Variants in HAS3 observed in about 807,000 individuals in gnomAD.
HAS3 encodes HA synthase 3.
A neutral mutation model predicts 50.3 loss-of-function variants in HAS3; 27 were observed. That is an observed-to-expected ratio of 0.54 (90% CI 0.40 to 0.74). The LOEUF (loss-of-function observed/expected upper bound fraction) is 0.74. Ranked by LOEUF, HAS3 falls within the 30% of genes least tolerant of loss-of-function variation. The pLI is 0.00. For synonymous variants in HAS3, 339 were observed against 310.9 expected, an observed-to-expected ratio of 1.09 and a Z score of -0.95; for missense variants, 517 against 742.8, an observed-to-expected ratio of 0.70 and a Z score of 3.53.
Position 69,107,656 on chromosome 16 carries a change from C to G in HAS3, c.1-1740C>G, listed in dbSNP as rs1477042051. The G allele has an allele frequency of 4.1e-6, 4 of 985,420 alleles. No homozygotes were observed. The highest frequency in any genetic ancestry group is 1.1e-4 in the East Asian group (1 of 8,820). The allele number at this position is 985,420 out of a possible 1,614,324, so 61.0% of individuals were successfully genotyped here. ...TGGCGCCCCCTTCCCCTACCCAGAG[C>G]GCAGGCAGGCAGGGGGGTCCCGCCG... On this transcript the variant is annotated intron_variant, in intron 1 of 3. Transcript: ENST00000569188. This position sits in a 1 kb window ranked among gnomAD's most constrained non-coding sequence, Gnocchi z 5.5.
At chr16:69,095,610 T>G in the HAS3 span, among the ~76,000 whole-genome samples, 1 of 151,748 alleles carries the variant, frequency 6.6e-6, no homozygotes, top group Admixed American at 6.6e-5. Flanking sequence ...TTTTAAAAGC[T>G]CTACAGGTTT....
At chr16:69,090,366 T>G in the HAS3 span, among the ~76,000 whole-genome samples, 1 of 152,216 alleles carries the variant, frequency 6.6e-6, no homozygotes, top group Non-Finnish European at 1.5e-5. Flanking sequence ...ATACGTGATG[T>G]GACTTAGAAC....
the HAS3 span, among the ~76,000 whole-genome samples, chr16:69,098,662 ATTTTTTTTTT>A: frequency 6.9e-3 from 677 of 98,202 alleles, 9 homozygotes; most frequent in African/African-American, 0.024. Flanking sequence ...ATCAAACCTG[ATTTTTTTTTT>A]TTTTTTTTTT....
At chr16:69,085,508 T>TC in the HAS3 span, among the ~76,000 whole-genome samples, 1 of 151,912 alleles carries the variant, frequency 6.6e-6, no homozygotes, top group Non-Finnish European at 1.5e-5. Flanking sequence ...CAAGCAGTCC[T>TC]CCCCCCTCAG....
In HAS3 at chr16:69,116,665, T is replaced by C. The variant is rs1300689514; in HGVS notation, c.*1399T>C. The C allele has an allele frequency of 9.1e-6, 9 of 985,248 alleles. No individual in the cohort carries two copies. The South Asian group carries it at 3.8e-4, about 41-fold the overall frequency. 61.0% of individuals were successfully genotyped at this position (985,248 alleles called of 1,614,324 possible). ...CATCCTAAGGTTCTTGCTTTCTCTC[T>C]CATGCCTCCTGAGGCTGTTTTTGGC... On this transcript the variant is annotated 3_prime_UTR_variant, in exon 4 of 4. Coordinates refer to ENST00000569188, the MANE Select transcript of HAS3 (RefSeq NM_001199280.2).
rs1449500339 is a variant in HAS3 at position 69,115,311 on chromosome 16, G to A, written c.*45G>A. 1.3e-6 allele frequency: 2 copies of A among 1,496,722 alleles called. No individual in the cohort carries two copies. Among genetic ancestry groups the A allele is most frequent in the African/African-American group, 2.8e-5 (2 of 71,464 alleles). 92.7% of individuals were successfully genotyped at this position (1,496,722 alleles called of 1,614,324 possible). A position where few individuals can be genotyped will look rare whatever the true frequency, so the allele number is the denominator to read the frequency against. ...GGGTAAAGTGCAATGGGTAAGGGAG[G>A]GAAGGGGAATGGAAGAGAAAAGACA... On this transcript the variant is annotated 3_prime_UTR_variant, in exon 4 of 4. Transcript: ENST00000569188.
downstream of HAS3, chr16:69,118,308 G>A: frequency 8.5e-7 from 1 of 1,180,566 alleles, no homozygotes; most frequent in Non-Finnish European, 1.3e-6. Flanking sequence ...TGCATTCGGT[G>A]GGTCTTTCTT....
Position 69,115,976 on chromosome 16 carries a change from G to A in HAS3, c.*710G>A, listed in dbSNP as rs776647177. 3.6e-5 allele frequency: 35 copies of A among 985,876 alleles called. No individual in the cohort carries two copies. Among genetic ancestry groups the A allele is most frequent in the Non-Finnish European group, 3.9e-5 (32 of 829,960 alleles). The allele number at this position is 985,876 out of a possible 1,614,324, so 61.1% of individuals were successfully genotyped here. A position where few individuals can be genotyped will look rare whatever the true frequency, so the allele number is the denominator to read the frequency against. On this transcript the variant is annotated 3_prime_UTR_variant, in exon 4 of 4. Coordinates refer to ENST00000569188, the MANE Select transcript of HAS3 (RefSeq NM_001199280.2). ...AAGAGATTGTGGTGGTGCTAAAGGA[G>A]GCCATAAGCTACACAGAGGCCTTGG... is the stretch of plus-strand genomic sequence containing the variant.
At position 69,114,429 on chromosome 16, in the gene HAS3, C is replaced by G. The variant is rs1961111510; in HGVS notation, c.825C>G (p.Ser275=). ...MAFNVERACQ[S]YFGCVQCISG... ...TCAACGTGGAGCGGGCCTGCCAGTC[C>G]TACTTTGGCTGTGTGCAGTGTATTA... The change falls in exon 4 of 4, where the codon TCC becomes TCG. Residue 275 remains serine (S), a synonymous_variant. Coordinates refer to ENST00000569188, the MANE Select transcript of HAS3 (RefSeq NM_001199280.2). This position sits in a 1 kb window ranked among gnomAD's most constrained non-coding sequence, Gnocchi z 6.4. The G allele has an allele frequency of 6.2e-7, 1 of 1,613,416 alleles. No individual in the cohort carries two copies. The highest frequency in any genetic ancestry group is 1.3e-5 in the African/African-American group (1 of 74,920).
At chr16:69,104,832 C>T (rs1023206112), upstream of HAS3, among the ~76,000 whole-genome samples, 2 of 152,062 alleles carry the variant, frequency 1.3e-5, no homozygotes. Flanking sequence ...GTGGCCCAGA[C>T]TGAGCAATGG....
chr16:69,109,729 T>C lies in HAS3; in HGVS notation c.334T>C (p.Ser112Pro). The C allele has an allele frequency of 2.5e-6, 4 of 1,611,216 alleles. No homozygotes were observed. Among genetic ancestry groups the C allele is most frequent in the Non-Finnish European group, 3.4e-6 (4 of 1,179,960 alleles). Residue 112 changes from serine (S) to proline (P), a missense_variant, in exon 2 of 4, where the codon TCC becomes CCC. By Grantham distance (74) the Ser-to-Pro change is moderately conservative (BLOSUM62 -1). Coordinates refer to ENST00000569188, the MANE Select transcript of HAS3 (RefSeq NM_001199280.2). The surrounding 1 kb of genome is among the most constrained non-coding windows in gnomAD (Gnocchi z 5.3). ...RKCLRSAQRI[S>P]FPDLKVVMVV... ...GTGCCTGCGCTCGGCCCAGCGCATC[T>C]CCTTCCCTGACCTCAAGGTGGTCAT...
chr16:69,094,980 CTT>C, the HAS3 span, among the ~76,000 whole-genome samples: 13 of 124,922 alleles, frequency 1.0e-4, no homozygotes, highest in East Asian at 2.2e-4. Context: ...CCATTGTTAA[CTT>C]TTTTTTTTTT....
At chr16:69,108,987 C>T (rs759031721) in intron 1 of HAS3, among the ~76,000 whole-genome samples, 49 of 152,198 alleles carry the variant, frequency 3.2e-4, no homozygotes, top group Non-Finnish European at 2.2e-4. Context: ...AGAGCTGCCT[C>T]AGGCTCACCC....
chr16:69,107,451 C>G lies in HAS3; in HGVS notation c.-1+1664C>G. The G allele has an allele frequency of 1.3e-5, 13 of 985,616 alleles. No individual in the cohort carries two copies. The highest frequency in any genetic ancestry group is 1.4e-5 in the Non-Finnish European group (12 of 830,060). 61.1% of individuals were successfully genotyped at this position (985,616 alleles called of 1,614,324 possible). On this transcript the variant is annotated intron_variant, in intron 1 of 3. Coordinates refer to ENST00000569188, the MANE Select transcript of HAS3 (RefSeq NM_001199280.2). This position sits in a 1 kb window ranked among gnomAD's most constrained non-coding sequence, Gnocchi z 5.5. ...GATCCCTTGGGTTTTCCGTTCCTTC[C>G]CGGTTGGGTCGTGGGAAAGCGGCAC...
In HAS3 at chr16:69,114,235, A is replaced by G; in HGVS notation, c.739-108A>G. The G allele has an allele frequency of 1.3e-6, 2 of 1,487,532 alleles. No individual in the cohort carries two copies. Among genetic ancestry groups the G allele is most frequent in the Non-Finnish European group, 1.8e-6 (2 of 1,122,940 alleles). The allele number at this position is 1,487,532 out of a possible 1,614,324, so 92.1% of individuals were successfully genotyped here. ...GCTCCAAAGGAACCGATGGCCAGGAATCTAAGCAGCGGGCCACAGAAGCCA... is the reference window on the plus strand; with the variant it reads ...GCTCCAAAGGAACCGATGGCCAGGAGTCTAAGCAGCGGGCCACAGAAGCCA... On this transcript the variant is annotated intron_variant, in intron 3 of 3. Coordinates refer to ENST00000569188, the MANE Select transcript of HAS3 (RefSeq NM_001199280.2). This position sits in a 1 kb window ranked among gnomAD's most constrained non-coding sequence, Gnocchi z 6.4.
At chr16:69,093,163 G>T in the HAS3 span, among the ~76,000 whole-genome samples, 1 of 152,132 alleles carries the variant, frequency 6.6e-6, no homozygotes, top group Non-Finnish European at 1.5e-5. Context: ...TATAAGCAGG[G>T]CTTCAATTTT....
At chr16:69,084,414 C>G in the HAS3 span, 1 of 152,282 alleles carries the variant, frequency 6.6e-6, no homozygotes, top group African/African-American at 2.4e-5. Flanking sequence ...GAGAAAAGAA[C>G]CACGAGCATC....
At chr16:69,105,082 A>ACTGCAACC (rs1246791027), upstream of HAS3, among the ~76,000 whole-genome samples, 7 of 127,520 alleles carry the variant, frequency 5.5e-5, no homozygotes, top group Non-Finnish European at 9.2e-5. Flanking sequence ...ATTTCAGCTC[A>ACTGCAACC]CTGCAACCTC....
the HAS3 span, among the ~76,000 whole-genome samples, chr16:69,085,818 A>G: frequency 5.3e-5 from 8 of 150,966 alleles, no homozygotes; most frequent in Admixed American, 2.0e-4. Flanking sequence ...GCCTCAGGTG[A>G]TCTGCCCAAC....
Sources: gnomAD v4.1 joint callset for allele counts (sites outside exome capture counted in the v4.1 genomes callset) on GRCh38, gnomAD v4.1.1 for gene constraint, Gnocchi (gnomAD v3.1) non-coding constraint, MANE v1.5 for transcripts, NCBI Gene and HGNC (gene_info 2026-07-23, HGNC 2026-07-21) for gene names.